The following ADD1 variants were observed in gnomAD, a reference collection of about 807,000 sequenced individuals.
The protein encoded by ADD1 is alpha-adducin.
A neutral mutation model predicts 80.5 loss-of-function variants in ADD1; 24 were observed. That is an observed-to-expected ratio of 0.30 (90% CI 0.22 to 0.42). ADD1 has a LOEUF of 0.42. ADD1 is among the 10% of genes least tolerant of loss of function. The pLI, the probability that ADD1 is intolerant of heterozygous loss-of-function variation, is 1.00. For synonymous variants in ADD1, 373 were observed against 393.8 expected (o/e 0.95, Z 0.63); for missense variants, 948 against 1,019.0 (o/e 0.93, Z 0.95).
chr4:2,908,973 CAA>C (rs1737536298), intron 12 of ADD1: 1 of 440,930 alleles, frequency 2.3e-6, no homozygotes. Context: ...CTGTCTGCAA[CAA>C]AGTGCTGCTT....
chr4:2,898,342 A>G lies in ADD1; in HGVS notation c.885+15A>G. 1 of 1,614,234 alleles carries G rather than the reference A, an allele frequency of 6.2e-7. No homozygotes were observed. The highest frequency in any genetic ancestry group is 8.5e-7 in the Non-Finnish European group (1 of 1,180,030). On this transcript the variant is annotated intron_variant, in intron 7 of 15. Transcript: ENST00000683351. ...CTAAAAGCAAGGTCAGTAGGCATCTAATCTGGTATTTAAATTACAGCAGAA... is the reference window on the plus strand; with the variant it reads ...CTAAAAGCAAGGTCAGTAGGCATCTGATCTGGTATTTAAATTACAGCAGAA...
chr4:2,885,885 C>T (rs1384021687), intron 4 of ADD1, among the ~76,000 whole-genome samples: 4 of 152,158 alleles, frequency 2.6e-5, no homozygotes, highest in African/African-American at 7.2e-5. Context: ...GCTGGGATTA[C>T]AGGCGTGAGC....
intron 1 of ADD1, chr4:2,844,414 G>A (rs2108758239): frequency 6.6e-6 from 1 of 152,388 alleles, no homozygotes; most frequent in East Asian, 1.9e-4. Context: ...GTGGCTGCAA[G>A]GTTTGTGTAC....
intron 14 of ADD1, among the ~76,000 whole-genome samples, chr4:2,925,028 G>C (rs943098443): frequency 3.3e-5 from 5 of 152,242 alleles, no homozygotes; most frequent in African/African-American, 1.2e-4. Context: ...ATGGGGACAG[G>C]CTCTGGCCGT....
At position 2,882,048 on chromosome 4, in the gene ADD1, G is replaced by A; in HGVS notation, c.346G>A (p.Ala116Thr). The A allele has an allele frequency of 1.2e-6, 2 of 1,603,586 alleles. No individual in the cohort carries two copies. Among genetic ancestry groups the A allele is most frequent in the Non-Finnish European group, 1.7e-6 (2 of 1,177,288 alleles). The stretch of plus-strand genomic sequence containing the variant: ...AGCAGCTCCGCAAGGAGGGATGGCT[G>A]CCTTAAACATGAGTGAGTAGTTCCT... Reference protein sequence around the residue: ...YPAAPQGGMAALNMSLGMVTP... With the variant: ...YPAAPQGGMATLNMSLGMVTP... Residue 116 changes from alanine to threonine, a missense_variant, in exon 3 of 16, where the codon GCC becomes ACC. Physicochemically the swap from Ala to Thr is moderately conservative, Grantham distance 58 (BLOSUM62 0). Transcript: ENST00000683351.
intron 1 of ADD1, among the ~76,000 whole-genome samples, chr4:2,863,038 T>C (rs1006727755): frequency 6.6e-6 from 1 of 151,912 alleles, no homozygotes; most frequent in Non-Finnish European, 1.5e-5. Flanking sequence ...CCCCTCTACC[T>C]CAGTACTGTC....
intron 1 of ADD1, among the ~76,000 whole-genome samples, chr4:2,860,658 CCT>C (rs1386178665): frequency 3.3e-5 from 5 of 152,146 alleles, no homozygotes; most frequent in Non-Finnish European, 5.9e-5. Flanking sequence ...AGTTTCTTGT[CCT>C]CTTGGGAGTT....
intron 14 of ADD1, among the ~76,000 whole-genome samples, chr4:2,919,490 A>G (rs905832233): frequency 6.6e-6 from 1 of 152,072 alleles, no homozygotes; most frequent in Non-Finnish European, 1.5e-5. Flanking sequence ...TTGGTAGGCT[A>G]TTTATTACTA....
intron 1 of ADD1, among the ~76,000 whole-genome samples, chr4:2,867,562 A>G (rs750301373): frequency 2.3e-4 from 35 of 152,352 alleles, no homozygotes; most frequent in Non-Finnish European, 4.9e-4. Flanking sequence ...CTCTCATAAC[A>G]TACCATAGGA....
chr4:2,908,646 G>T, intron 12 of ADD1, 42 bp downstream of exon 12: 1 of 1,510,840 alleles, frequency 6.6e-7, no homozygotes, highest in Non-Finnish European at 9.2e-7. Flanking sequence ...GGTGGTGGCT[G>T]TGTGACCGCC....
chr4:2,846,037 A>G (rs1435255346), intron 1 of ADD1, among the ~76,000 whole-genome samples: 1 of 152,232 alleles, frequency 6.6e-6, no homozygotes, highest in African/African-American at 2.4e-5. Flanking sequence ...ATAGTTCAAT[A>G]TGTATATCTT....
At chr4:2,875,057 A>T (rs1397380679) in intron 1 of ADD1, among the ~76,000 whole-genome samples, 1 of 152,192 alleles carries the variant, frequency 6.6e-6, no homozygotes, top group Non-Finnish European at 1.5e-5. Flanking sequence ...GGATACCCCC[A>T]TCTCTACAAA....
chr4:2,892,996 A>G (rs1734565732), intron 4 of ADD1, among the ~76,000 whole-genome samples: 1 of 152,072 alleles, frequency 6.6e-6, no homozygotes, highest in African/African-American at 2.4e-5. Context: ...ACTGACTGCA[A>G]CCTCTGCCTC....
intron 1 of ADD1, among the ~76,000 whole-genome samples, chr4:2,855,383 C>A (rs915933376): frequency 6.6e-6 from 1 of 151,322 alleles, no homozygotes; most frequent in Non-Finnish European, 1.5e-5. Context: ...GTCTTTTCTC[C>A]CCATGCTTGC....
intron 14 of ADD1, among the ~76,000 whole-genome samples, chr4:2,917,870 C>T (rs1739342898): frequency 6.6e-6 from 1 of 152,118 alleles, no homozygotes; most frequent in Non-Finnish European, 1.5e-5. Context: ...CTGTTCTGTT[C>T]CGTTGGTCTC....
In ADD1 at chr4:2,920,443, A is replaced by G. The variant is rs191507835; in HGVS notation, c.1948+5403A>G. ...TGAAAGTGGGATGTTAAAATTTCTCACTATTATTGTGTGGGAGTCTGAGTC... is the reference window on the plus strand; with the variant it reads ...TGAAAGTGGGATGTTAAAATTTCTCGCTATTATTGTGTGGGAGTCTGAGTC... On this transcript the variant is annotated intron_variant, in intron 14 of 15. Transcript: ENST00000683351. Among the ~76,000 whole-genome samples the G allele has an allele frequency of 7.2e-5, 11 of 152,236 alleles. No homozygotes were observed. In the East Asian group the frequency reaches 1.9e-3, roughly 27 times the overall value.
chr4:2,910,280 A>C (rs564171919), intron 13 of ADD1, among the ~76,000 whole-genome samples: 4 of 152,012 alleles, frequency 2.6e-5, no homozygotes, highest in Non-Finnish European at 5.9e-5. Flanking sequence ...TCACACCTTC[A>C]TTGAGATGCA....
chr4:2,897,809 A>G (rs1735512730), intron 6 of ADD1, among the ~76,000 whole-genome samples: 1 of 152,174 alleles, frequency 6.6e-6, no homozygotes, highest in Admixed American at 6.5e-5. Flanking sequence ...GGTGTGAGCC[A>G]CCATACCTGA....
intron 6 of ADD1, 37 bp downstream of exon 6, chr4:2,894,768 G>A (rs1734910578): frequency 1.3e-6 from 2 of 1,565,116 alleles, no homozygotes; most frequent in Non-Finnish European, 8.6e-7. Flanking sequence ...AAGGTCTAAA[G>A]CTGCTGAGTG....
Sources: gnomAD v4.1 joint callset for allele counts (sites outside exome capture counted in the v4.1 genomes callset) on GRCh38, gnomAD v4.1.1 for gene constraint, MANE v1.5 for transcripts, NCBI Gene and HGNC (gene_info 2026-07-23, HGNC 2026-07-21) for gene names.